Variants in EIF3J observed in about 807,000 individuals in gnomAD.
The protein encoded by EIF3J is eukaryotic translation initiation factor 3, subunit 1 (alpha, 35kD).
In EIF3J, 15 loss-of-function variants were observed where a neutral mutation model predicts 39.0. The observed-to-expected ratio is 0.38, with a 90% CI of 0.26 to 0.59. The LOEUF (loss-of-function observed/expected upper bound fraction) is 0.59. EIF3J is among the 20% of genes least tolerant of loss of function. The probability of loss-of-function intolerance (pLI) is 0.60; values close to 1 mark genes in which losing one functional copy is unlikely to be tolerated. For missense variants in EIF3J, 226 were observed against 308.6 expected (o/e 0.73, Z 2.00); for synonymous variants, 98 against 112.9 (o/e 0.87, Z 0.84).
intron 2 of EIF3J, among the ~76,000 whole-genome samples, chr15:44,546,204 C>T (rs1197938278): frequency 6.6e-6 from 1 of 152,178 alleles, no homozygotes; most frequent in African/African-American, 2.4e-5. Flanking sequence ...AACGTTTGAT[C>T]TCTAATTTCT....
chr15:44,545,601 T>C (rs1214936260), intron 2 of EIF3J, among the ~76,000 whole-genome samples: 1 of 152,254 alleles, frequency 6.6e-6, no homozygotes, highest in Admixed American at 6.5e-5. Context: ...GCAAATAATG[T>C]ACATATTTAT....
intron 2 of EIF3J, among the ~76,000 whole-genome samples, chr15:44,546,571 C>T (rs1342299706): frequency 6.6e-6 from 1 of 152,050 alleles, no homozygotes; most frequent in African/African-American, 2.4e-5. Flanking sequence ...AGCATCAGGG[C>T]CTCTTGCCCT....
intron 6 of EIF3J, chr15:44,558,877 AATT>A (rs2082166804): frequency 6.6e-6 from 1 of 152,152 alleles, no homozygotes; most frequent in Non-Finnish European, 1.5e-5. Flanking sequence ...TGCATGTACT[AATT>A]TTTTTCTGGT....
chr15:44,559,524 A>G (rs1204504943), intron 6 of EIF3J, among the ~76,000 whole-genome samples: 1 of 150,384 alleles, frequency 6.6e-6, no homozygotes, highest in Non-Finnish European at 1.5e-5. Context: ...TGGCTAACAC[A>G]GTGAAACCCC....
chr15:44,554,906 G>T (rs1413010275), intron 5 of EIF3J, among the ~76,000 whole-genome samples: 1 of 152,196 alleles, frequency 6.6e-6, no homozygotes, highest in East Asian at 1.9e-4. Flanking sequence ...GGGCAAAAAG[G>T]AGTAGACTCA....
intron 2 of EIF3J, among the ~76,000 whole-genome samples, chr15:44,546,712 T>C (rs532443120): frequency 6.6e-6 from 1 of 152,166 alleles, no homozygotes; most frequent in Admixed American, 6.6e-5. Flanking sequence ...CCTATTAAAC[T>C]TGAGCCTTCT....
Position 44,561,535 on chromosome 15 carries a change from T to C in EIF3J, c.*386T>C, listed in dbSNP as rs1456393372. 6.3e-6 allele frequency: 1 copy of C among 158,424 alleles called. No homozygotes were observed. The highest frequency in any genetic ancestry group is 1.8e-4 in the East Asian group (1 of 5,594). The allele number at this position is 158,424 out of a possible 1,614,324, so 9.8% of individuals were successfully genotyped here. ...AACCATACCTCCTTGAACTACTTCATAACTTGTCAAGAAAAGCAGTTTGCA... is the reference window on the plus strand; with the variant it reads ...AACCATACCTCCTTGAACTACTTCACAACTTGTCAAGAAAAGCAGTTTGCA... On this transcript the variant is annotated 3_prime_UTR_variant, in exon 8 of 8. Coordinates refer to ENST00000261868, the MANE Select transcript of EIF3J (RefSeq NM_003758.4).
At chr15:44,545,631 C>A (rs2082046981) in intron 2 of EIF3J, among the ~76,000 whole-genome samples, 2 of 152,104 alleles carry the variant, frequency 1.3e-5, no homozygotes, top group South Asian at 2.1e-4. Context: ...TGTGATGTTT[C>A]AATGCATGTA....
At chr15:44,551,095 T>TGAA (rs2082095368) in intron 3 of EIF3J, among the ~76,000 whole-genome samples, 165 bp downstream of exon 3, 1 of 152,242 alleles carries the variant, frequency 6.6e-6, no homozygotes, top group Non-Finnish European at 1.5e-5. Context: ...AACTTTTCTC[T>TGAA]ATCGCCTCAA....
At chr15:44,560,900 A>G in intron 7 of EIF3J, 118 bp from the exon 8 acceptor site, 1 of 1,370,620 alleles carries the variant, frequency 7.3e-7, no homozygotes, top group Non-Finnish European at 9.8e-7. Context: ...GATGTCCCTT[A>G]CAGAACTAGT....
chr15:44,552,659 T>C (rs949228224), intron 4 of EIF3J, among the ~76,000 whole-genome samples: 2 of 152,050 alleles, frequency 1.3e-5, no homozygotes, highest in Non-Finnish European at 2.9e-5. Context: ...TCTCCCGGGT[T>C]CAAGTGATTC....
rs917045369 is a variant in EIF3J at position 44,560,112 on chromosome 15, A to G, written c.572-137A>G. The G allele has an allele frequency of 1.4e-5, 10 of 690,488 alleles. No individual in the cohort carries two copies. The African/African-American group carries it at 1.8e-4, about 13-fold the overall frequency. 42.8% of individuals were successfully genotyped at this position (690,488 alleles called of 1,614,324 possible). ...CAAAGTTACTGAAGTTTAACAATGA[A>G]CAAATTGGATTTCTCATAACACTTT... On this transcript the variant is annotated intron_variant, in intron 6 of 7. Coordinates refer to ENST00000261868, the MANE Select transcript of EIF3J (RefSeq NM_003758.4).
At chr15:44,555,534 C>T (rs955764331) in intron 5 of EIF3J, among the ~76,000 whole-genome samples, 1 of 152,160 alleles carries the variant, frequency 6.6e-6, no homozygotes, top group Non-Finnish European at 1.5e-5. Context: ...TGTGAATGCT[C>T]CTGTGCACCA....
At chr15:44,546,164 T>A (rs2140893553) in intron 2 of EIF3J, among the ~76,000 whole-genome samples, 1 of 152,360 alleles carries the variant, frequency 6.6e-6, no homozygotes, top group African/African-American at 2.4e-5. Flanking sequence ...CTGTGATGTA[T>A]AGCACTTAGC....
intron 2 of EIF3J, among the ~76,000 whole-genome samples, chr15:44,544,358 A>C (rs2082036412): frequency 6.6e-6 from 1 of 151,130 alleles, no homozygotes; most frequent in African/African-American, 2.4e-5. Flanking sequence ...TTGGCCTTCC[A>C]AAGTGTTGGG....
rs1183241151 is a variant in EIF3J, at chr15:44,562,770, T to C, written c.*1621T>C. 1 of 233,904 alleles carries C rather than the reference T, an allele frequency of 4.3e-6. No homozygotes were observed. The highest frequency in any genetic ancestry group is 2.3e-5 in the African/African-American group (1 of 43,404). 14.5% of individuals were successfully genotyped at this position (233,904 alleles called of 1,614,324 possible). ...AAATGTATCACCTGTTCCTTAACTG[T>C]GTAAATAATAATTAAATTTCTTTGA... On this transcript the variant is annotated 3_prime_UTR_variant, in exon 8 of 8. Coordinates refer to ENST00000261868, the MANE Select transcript of EIF3J (RefSeq NM_003758.4).
At chr15:44,550,347 AGTGGCAC>A (rs751590432) in intron 2 of EIF3J, among the ~76,000 whole-genome samples, 22 of 152,184 alleles carry the variant, frequency 1.4e-4, no homozygotes, top group Non-Finnish European at 2.8e-4. Context: ...GATAGAGTGC[AGTGGCAC>A]TATCATAGCT....
chr15:44,560,949 G>A, intron 7 of EIF3J, 69 bp from the exon 8 acceptor site: 1 of 1,571,482 alleles, frequency 6.4e-7, no homozygotes, highest in Non-Finnish European at 8.6e-7. Context: ...TTGTTTATGA[G>A]GGTTGCTGTA....
intron 7 of EIF3J, chr15:44,560,660 G>A: frequency 2.9e-6 from 1 of 339,370 alleles, no homozygotes; most frequent in South Asian, 6.3e-5. Flanking sequence ...GTATTTATAA[G>A]AGTAAAGTAA....
Sources: allele counts gnomAD v4.1 joint callset (sites outside exome capture counted in the v4.1 genomes callset), GRCh38; gene constraint gnomAD v4.1.1; transcripts MANE v1.5; gene names NCBI Gene and HGNC (gene_info 2026-07-23, HGNC 2026-07-21).